Variants in AFF4 observed in about 807,000 individuals in gnomAD.
The protein encoded by AFF4 is ALF transcription elongation factor 4, also known as AF4/FMR2 family member 4.
Under a neutral mutation model 124.8 loss-of-function variants are expected in AFF4, and 13 were observed. That is an observed-to-expected ratio of 0.10 (90% CI 0.07 to 0.17). The LOEUF (loss-of-function observed/expected upper bound fraction) is 0.17. Among genes scored for constraint, AFF4 ranks in the 10% least tolerant of loss-of-function variants. The pLI is 1.00. For synonymous variants in AFF4, 477 were observed against 496.1 expected (o/e 0.96, Z 0.51); for missense variants, 1,092 against 1,403.8 (o/e 0.78, Z 3.55).
Position 132,879,022 on chromosome 5 carries a change from T to C in AFF4, c.*2037A>G, listed in dbSNP as rs1377855957. The C allele has an allele frequency of 1.3e-5, 3 of 222,460 alleles. No homozygotes were observed. Among genetic ancestry groups the C allele is most frequent in the Admixed American group, 1.1e-4 (2 of 17,410 alleles). 13.8% of individuals were successfully genotyped at this position (222,460 alleles called of 1,614,324 possible). A position where few individuals can be genotyped will look rare whatever the true frequency, so the allele number is the denominator to read the frequency against. ...TCTTACTAAATAACTATCATGATCATTGAGAAGTTGTCCTCTTATGGAAAA... is the reference window on the plus strand; with the variant it reads ...TCTTACTAAATAACTATCATGATCACTGAGAAGTTGTCCTCTTATGGAAAA... On this transcript the variant is annotated 3_prime_UTR_variant, in exon 21 of 21. Coordinates refer to ENST00000265343, the MANE Select transcript of AFF4 (RefSeq NM_014423.4).
intron 9 of AFF4, 93 bp downstream of exon 9, chr5:132,899,011 A>T: frequency 8.9e-7 from 1 of 1,119,094 alleles, no homozygotes; most frequent in Admixed American, 2.2e-5. Flanking sequence ...ATCAAAATTA[A>T]TATTTACTTA....
At chr5:132,934,071 A>T in intron 3 of AFF4, 76 bp downstream of exon 3, 2 of 1,457,138 alleles carry the variant, frequency 1.4e-6, no homozygotes, top group South Asian at 2.7e-5. Flanking sequence ...GCAGTGTTCA[A>T]GTTCAATCGT....
intron 11 of AFF4, among the ~76,000 whole-genome samples, chr5:132,894,618 C>T (rs1310769362): frequency 2.0e-5 from 3 of 152,182 alleles, no homozygotes; most frequent in African/African-American, 7.2e-5. Flanking sequence ...GTACTACCTG[C>T]TTTACCTCCA....
intron 1 of AFF4, chr5:132,944,195 G>A (rs570569221): frequency 6.6e-6 from 1 of 152,666 alleles, no homozygotes; most frequent in African/African-American, 2.4e-5. Flanking sequence ...AAATTAGCCA[G>A]GTGTAATGGC....
intron 5 of AFF4, among the ~76,000 whole-genome samples, chr5:132,919,241 C>A (rs1385169502): frequency 6.6e-6 from 1 of 152,120 alleles, no homozygotes; most frequent in African/African-American, 2.4e-5. Flanking sequence ...CTTTGAAAAA[C>A]ACTAATATAA....
At chr5:132,881,332 C>A (rs1325272929) in intron 20 of AFF4, 146 bp from the exon 21 acceptor site, 2 of 817,688 alleles carry the variant, frequency 2.4e-6, no homozygotes, top group East Asian at 2.8e-5. Context: ...TGTTTTAGAG[C>A]AAATCATTCC....
At chr5:132,938,328 C>G (rs1437682462) in intron 1 of AFF4, among the ~76,000 whole-genome samples, 2 of 150,368 alleles carry the variant, frequency 1.3e-5, no homozygotes, top group Non-Finnish European at 3.0e-5. Context: ...TGCGGTGGTG[C>G]GATCTCCCAG....
Position 132,896,558 on chromosome 5 carries a change from C to T in AFF4, c.2072G>A (p.Arg691Gln), listed in dbSNP as rs1163232552. 3.7e-6 allele frequency: 6 copies of T among 1,614,000 alleles called. No individual in the cohort carries two copies. Among genetic ancestry groups the T allele is most frequent in the South Asian group, 2.2e-5 (2 of 91,080 alleles). Residue 691 changes from arginine to glutamine, a missense_variant, in exon 11 of 21, where the codon CGA (arginine) becomes CAA (glutamine). By Grantham distance (43) the Arg-to-Gln change is conservative. Coordinates refer to ENST00000265343, the MANE Select transcript of AFF4 (RefSeq NM_014423.4). ...VEEEDSFFRQ[R>Q]MFSPMEEKEL... is the part of the protein sequence containing the mutation. ...CTTCTCTTCCATAGGAGAGAACATT[C>T]GTTGCCGAAAAAAGCTATCTTCTTC...
At chr5:132,922,949 G>A (rs1761084038) in intron 5 of AFF4, among the ~76,000 whole-genome samples, 1 of 151,798 alleles carries the variant, frequency 6.6e-6, no homozygotes, top group Admixed American at 6.6e-5. Flanking sequence ...GGCCGAGGTG[G>A]GCAGATTAGG....
At chr5:132,913,390 T>C (rs1453614875) in intron 5 of AFF4, among the ~76,000 whole-genome samples, 1 of 152,202 alleles carries the variant, frequency 6.6e-6, no homozygotes, top group Non-Finnish European at 1.5e-5. Flanking sequence ...TATAGAAGAT[T>C]AGTATAACAC....
chr5:132,893,822 T>C (rs1760322544), intron 11 of AFF4, among the ~76,000 whole-genome samples: 1 of 152,176 alleles, frequency 6.6e-6, no homozygotes, highest in African/African-American at 2.4e-5. Flanking sequence ...ACACACTCTA[T>C]ACCCATTAGT....
In AFF4 at chr5:132,902,463, G is replaced by A; in HGVS notation, c.1112C>T (p.Ser371Leu). Residue 371 changes from serine (S) to leucine (L), a missense_variant, in exon 7 of 21, where the codon TCA (serine) becomes TTA (leucine). Coordinates refer to ENST00000265343, the MANE Select transcript of AFF4 (RefSeq NM_014423.4). ...TTACGATTTAGACTGGTGCCCATTT[G>A]AAGTTTTAGAAGGATTATATCTTTC... ...EQKRYNPSKT[S>L]NGHQSKSMLK... 1 of 1,608,930 alleles carries A rather than the reference G, an allele frequency of 6.2e-7. No individual in the cohort carries two copies. Among genetic ancestry groups the A allele is most frequent in the Non-Finnish European group, 8.5e-7 (1 of 1,175,522 alleles).
chr5:132,937,289 T>G lies in AFF4; in HGVS notation c.-4-96A>C. The G allele has an allele frequency of 5.7e-6, 8 of 1,395,786 alleles. No homozygotes were observed. The South Asian group carries it at 1.3e-4, about 22-fold the overall frequency. 86.5% of individuals were successfully genotyped at this position (1,395,786 alleles called of 1,614,324 possible). A position where few individuals can be genotyped will look rare whatever the true frequency, so the allele number is the denominator to read the frequency against. On this transcript the variant is annotated intron_variant, in intron 1 of 20. Coordinates refer to ENST00000265343, the MANE Select transcript of AFF4 (RefSeq NM_014423.4). ...TCAGCTTAACACTTCAATCACAGAT[T>G]CCCTTTTGACCTCCAAGTAATAACA...
At chr5:132,900,638 T>C (rs1468295734) in intron 7 of AFF4, among the ~76,000 whole-genome samples, 1 of 152,212 alleles carries the variant, frequency 6.6e-6, no homozygotes, top group African/African-American at 2.4e-5. Flanking sequence ...TTAAAACACA[T>C]ACACACAAAT....
intron 4 of AFF4, among the ~76,000 whole-genome samples, chr5:132,928,977 G>A (rs948441896): frequency 2.0e-5 from 3 of 152,078 alleles, no homozygotes; most frequent in Non-Finnish European, 4.4e-5. Context: ...CAGCTCAAAG[G>A]CATAACATTA....
intron 1 of AFF4, among the ~76,000 whole-genome samples, chr5:132,948,250 C>T (rs1761747737): frequency 6.6e-6 from 1 of 152,094 alleles, no homozygotes; most frequent in African/African-American, 2.4e-5. Flanking sequence ...AGGGTTTCAC[C>T]ATGTTGGCCA....
chr5:132,958,031 T>C (rs1762000145), intron 1 of AFF4, among the ~76,000 whole-genome samples: 2 of 152,262 alleles, frequency 1.3e-5, no homozygotes, highest in African/African-American at 4.8e-5. Flanking sequence ...ACAAAAACTA[T>C]AATCAGGGAA....
At chr5:132,926,964 T>C in intron 5 of AFF4, 157 bp downstream of exon 5, 1 of 604,896 alleles carries the variant, frequency 1.7e-6, no homozygotes, top group East Asian at 3.0e-5. Context: ...ATTATCTTCA[T>C]AACAGTTGTC....
chr5:132,938,014 G>A (rs1207942102), intron 1 of AFF4, among the ~76,000 whole-genome samples: 8 of 151,962 alleles, frequency 5.3e-5, no homozygotes, highest in Non-Finnish European at 1.0e-4. Context: ...GACAATGGTA[G>A]TAAAGGCTGG....
Sources: allele counts gnomAD v4.1 joint callset (sites outside exome capture counted in the v4.1 genomes callset), GRCh38; gene constraint gnomAD v4.1.1; transcripts MANE v1.5; gene names NCBI Gene and HGNC (gene_info 2026-07-23, HGNC 2026-07-21).